OR51B5: variants seen among roughly 807,000 people sequenced by gnomAD.
OR51B5 encodes olfactory receptor family 51 subfamily B member 5.
For synonymous variants in OR51B5, 186 were observed against 144.8 expected, an observed-to-expected ratio of 1.28 and a Z score of -2.04; for missense variants, 456 against 374.6, an observed-to-expected ratio of 1.22 and a Z score of -1.79.
intron 1 of OR51B5, among the ~76,000 whole-genome samples, chr11:5,462,016 T>C (rs1391618): frequency 0.31 from 46,432 of 152,146 alleles, 7,249 homozygotes; most frequent in East Asian, 0.43. Context: ...TCAAAGAAAA[T>C]TTGTACTTCT....
chr11:5,409,388 T>G (rs1196812424), intron 1 of OR51B5, among the ~76,000 whole-genome samples: 1 of 152,042 alleles, frequency 6.6e-6, no homozygotes, highest in East Asian at 1.9e-4. Flanking sequence ...TTAACTAAAG[T>G]AAATCCAATT....
At chr11:5,441,015 C>A in intron 1 of OR51B5, 1 of 1,613,942 alleles carries the variant, frequency 6.2e-7, no homozygotes. Flanking sequence ...GAAGGGCAGT[C>A]GTTTCACCAC....
rs538711760 is a variant in OR51B5 at position 5,454,759 on chromosome 11, C to T, written n.84+50810G>A. 142 of 175,764 alleles carry T rather than the reference C, an allele frequency of 8.1e-4. 3 individuals carry two copies. In the South Asian group the frequency reaches 0.02, roughly 24 times the overall value. 10.9% of individuals were successfully genotyped at this position (175,764 alleles called of 1,614,324 possible). A position where few individuals can be genotyped will look rare whatever the true frequency, so the allele number is the denominator to read the frequency against. ...TAACAAACTTAGTCCTAAAATGTATCAAGTACTATTATAAATTATTTGTGT... is the reference window on the plus strand; with the variant it reads ...TAACAAACTTAGTCCTAAAATGTATTAAGTACTATTATAAATTATTTGTGT... On this transcript the variant is annotated intron_variant and non_coding_transcript_variant, in intron 1 of 4. Transcript: ENST00000415970.
chr11:5,413,928 G>A (rs1490856829), intron 1 of OR51B5, among the ~76,000 whole-genome samples: 1 of 147,882 alleles, frequency 6.8e-6, no homozygotes, highest in Non-Finnish European at 1.5e-5. Flanking sequence ...AGGAAATACA[G>A]AGAACGCCAC....
In OR51B5 at chr11:5,485,387, G is replaced by T. The variant is rs138837375; in HGVS notation, n.84+20182C>A. The stretch of plus-strand genomic sequence containing the variant: ...GATGTATCTTTCCCACAAAAAATGT[G>T]TTAATTGTTTCTCCAGCTATTCAGC... On this transcript the variant is annotated intron_variant and non_coding_transcript_variant, in intron 1 of 4. Coordinates refer to the OR51B5 transcript ENST00000415970. Among the ~76,000 whole-genome samples, 3 of 152,320 alleles carry T rather than the reference G, an allele frequency of 2.0e-5. No homozygotes were observed. In the East Asian group the frequency reaches 5.8e-4, roughly 29 times the overall value.
intron 1 of OR51B5, among the ~76,000 whole-genome samples, chr11:5,382,303 C>T (rs996626410): frequency 6.6e-6 from 1 of 152,202 alleles, no homozygotes; most frequent in Middle Eastern, 3.2e-3. Flanking sequence ...AAATACCTTT[C>T]TATAAAGCCC....
chr11:5,438,026 A>G (rs1192627026), intron 1 of OR51B5, among the ~76,000 whole-genome samples: 1 of 152,070 alleles, frequency 6.6e-6, no homozygotes, highest in Non-Finnish European at 1.5e-5. Flanking sequence ...CATTATTGTT[A>G]TAGGATTGGT....
At chr11:5,458,821 T>C (rs1490076958) in intron 1 of OR51B5, among the ~76,000 whole-genome samples, 2 of 152,246 alleles carry the variant, frequency 1.3e-5, no homozygotes, top group Non-Finnish European at 2.9e-5. Context: ...AAATTTTCGC[T>C]GAAATTGTTT....
intron 1 of OR51B5, among the ~76,000 whole-genome samples, chr11:5,463,052 T>A (rs1174990032): frequency 2.0e-5 from 3 of 152,250 alleles, no homozygotes; most frequent in Non-Finnish European, 4.4e-5. Flanking sequence ...CATTGTTTTG[T>A]CGTATTAGGG....
downstream of OR51B5, chr11:5,340,553 A>G (rs1564910674): frequency 6.6e-6 from 1 of 152,110 alleles, no homozygotes; most frequent in Admixed American, 6.6e-5. Context: ...TTGGAGATAC[A>G]ATGCAAAATA....
chr11:5,437,656 G>C (rs1306888552), intron 1 of OR51B5, among the ~76,000 whole-genome samples: 1 of 152,172 alleles, frequency 6.6e-6, no homozygotes, highest in African/African-American at 2.4e-5. Flanking sequence ...CTAACTACAA[G>C]GGATTGAGAT....
chr11:5,475,566 TCTA>T (rs1452563969), intron 1 of OR51B5, among the ~76,000 whole-genome samples: 1 of 152,170 alleles, frequency 6.6e-6, no homozygotes, highest in Non-Finnish European at 1.5e-5. Flanking sequence ...TGAATGAGGA[TCTA>T]CTAATACTTA....
chr11:5,354,339 A>C (rs1458953345), intron 1 of OR51B5, among the ~76,000 whole-genome samples: 9 of 152,246 alleles, frequency 5.9e-5, no homozygotes, highest in African/African-American at 1.9e-4. Flanking sequence ...ATAGCAGGCT[A>C]GTATAAAGAT....
intron 1 of OR51B5, among the ~76,000 whole-genome samples, chr11:5,361,398 G>C (rs902941112): frequency 1.3e-5 from 2 of 152,076 alleles, no homozygotes; most frequent in African/African-American, 4.8e-5. Flanking sequence ...TTGCAGCTTG[G>C]CTTCTGAGTA....
chr11:5,453,002 G>A (rs1850880828), intron 1 of OR51B5, among the ~76,000 whole-genome samples: 1 of 149,888 alleles, frequency 6.7e-6, no homozygotes, highest in Admixed American at 6.6e-5. Flanking sequence ...ACTTGCTCTG[G>A]GAAAGTCTCT....
At chr11:5,435,257 C>G (rs1322393222) in intron 1 of OR51B5, among the ~76,000 whole-genome samples, 3 of 152,192 alleles carry the variant, frequency 2.0e-5, no homozygotes, top group Non-Finnish European at 2.9e-5. Context: ...GGACAGATCT[C>G]ATGGATATGA....
chr11:5,387,270 A>T (rs541844938), intron 1 of OR51B5, among the ~76,000 whole-genome samples: 2 of 152,164 alleles, frequency 1.3e-5, no homozygotes, highest in South Asian at 4.1e-4. Flanking sequence ...CAGAGCACAC[A>T]ACTATTGCAC....
chr11:5,421,200 G>A (rs943115605), intron 1 of OR51B5, among the ~76,000 whole-genome samples: 1 of 152,212 alleles, frequency 6.6e-6, no homozygotes, highest in African/African-American at 2.4e-5. Flanking sequence ...CAGGTCCCAA[G>A]ATGCGATGCC....
intron 1 of OR51B5, among the ~76,000 whole-genome samples, chr11:5,359,316 T>A (rs1283048397): frequency 6.7e-6 from 1 of 148,416 alleles, no homozygotes; most frequent in Non-Finnish European, 1.5e-5. Flanking sequence ...AAAATCAATG[T>A]GCAAAAATCA....
Sources: gnomAD v4.1 joint callset for allele counts (sites outside exome capture counted in the v4.1 genomes callset) on GRCh38, gnomAD v4.1.1 for gene constraint, MANE v1.5 for transcripts, NCBI Gene and HGNC (gene_info 2026-07-23, HGNC 2026-07-21) for gene names.